Variants in KLK1 observed in about 807,000 individuals in gnomAD.
KLK1 encodes kallikrein-1.
KLK1 carries 22 observed loss-of-function variants against 23.3 expected under a neutral mutation model. The observed-to-expected ratio is 0.95, with a 90% CI of 0.68 to 1.35. The LOEUF (loss-of-function observed/expected upper bound fraction) is 1.35. Among genes scored for constraint, KLK1 ranks in the 40% most tolerant of loss-of-function variants. The probability of loss-of-function intolerance (pLI) is 0.00; values close to 1 mark genes in which losing one functional copy is unlikely to be tolerated. For synonymous variants in KLK1, 140 were observed against 135.8 expected (o/e 1.03, Z -0.21); for missense variants, 301 against 338.9 (o/e 0.89, Z 0.88).
chr19:50,820,495 A>ATGGGTAAAAGGGTT, intron 2 of KLK1, 52 bp from the exon 3 acceptor site: 1 of 308,348 alleles, frequency 3.2e-6, no homozygotes. Context: ...GGAAAAGGGG[A>ATGGGTAAAAGGGTT]TGGGGCAGGG....
In KLK1 at chr19:50,821,605, C is replaced by T. The variant is rs2740504; in HGVS notation, c.206+107G>A. 22 of 1,401,618 alleles carry T rather than the reference C, an allele frequency of 1.6e-5. No homozygotes were observed. Among genetic ancestry groups the T allele is most frequent in the Non-Finnish European group, 2.1e-5 (22 of 1,063,856 alleles). The allele number at this position is 1,401,618 out of a possible 1,614,324, so 86.8% of individuals were successfully genotyped here. ...ACCTGCGCCAGAGCCTTCCTCTCTGCCTCAGCCCCCCAGTCTTGCCTGAGG... is the reference window on the plus strand; with the variant it reads ...ACCTGCGCCAGAGCCTTCCTCTCTGTCTCAGCCCCCCAGTCTTGCCTGAGG... On this transcript the variant is annotated intron_variant, in intron 2 of 4. Coordinates refer to ENST00000301420, the MANE Select transcript of KLK1 (RefSeq NM_002257.4). The surrounding 1 kb of genome is among the most constrained non-coding windows in gnomAD (Gnocchi z 5.6).
intron 1 of KLK1, 172 bp from the exon 2 acceptor site, chr19:50,822,043 T>C (rs550834507): frequency 2.4e-4 from 330 of 1,377,336 alleles, no homozygotes; most frequent in Admixed American, 5.4e-4. Context: ...CTCTGGACTG[T>C]TCCCTGGGCT....
At chr19:50,822,627 G>T (rs1468518084) in intron 1 of KLK1, 3 of 984,964 alleles carry the variant, frequency 3.0e-6, no homozygotes, top group African/African-American at 3.5e-5. Context: ...ACACAGTTGC[G>T]GTCAGGACTG....
Position 50,819,372 on chromosome 19 carries a change from G to T in KLK1, c.634-23C>A, listed in dbSNP as rs199953894. The T allele has an allele frequency of 2.5e-5, 40 of 1,593,770 alleles. No homozygotes were observed. In the Admixed American group the frequency reaches 2.9e-4, roughly 12 times the overall value. ...ACCCTGGGAGCACAAGGTGGGAGGG[G>T]AGAGTGAGAAAGGTCTACGGGGCCC... On this transcript the variant is annotated intron_variant, in intron 4 of 4. Transcript: ENST00000301420.
chr19:50,821,625 C>A lies in KLK1; in HGVS notation c.206+87G>T. 6.9e-7 allele frequency: 1 copy of A among 1,455,400 alleles called. No homozygotes were observed. The highest frequency in any genetic ancestry group is 1.4e-5 in the South Asian group (1 of 69,176). 90.2% of individuals were successfully genotyped at this position (1,455,400 alleles called of 1,614,324 possible). Reference sequence around the variant, plus strand: ...CTCTGCCTCAGCCCCCCAGTCTTGCCTGAGGTTATCCAAGGGGAATGCCAC... The same window carrying A: ...CTCTGCCTCAGCCCCCCAGTCTTGCATGAGGTTATCCAAGGGGAATGCCAC... On this transcript the variant is annotated intron_variant, in intron 2 of 4. Transcript: ENST00000301420. The surrounding 1 kb of genome is among the most constrained non-coding windows in gnomAD (Gnocchi z 5.6).
At chr19:50,823,575 C>A in intron 1 of KLK1, 128 bp downstream of exon 1, 1 of 573,100 alleles carries the variant, frequency 1.7e-6, no homozygotes, top group East Asian at 2.9e-5. Context: ...GCACCCCGGA[C>A]TAGGATAGAC....
Position 50,820,039 on chromosome 19 carries a change from C to T in KLK1, c.497-4G>A, listed in dbSNP as rs759407690. ...TGGAGATCATCTGGAAATGAGACTA[C>T]GAACCCGGGAGAAAAAGGGCTGCAG... is the stretch of plus-strand genomic sequence containing the variant. On this transcript the variant is annotated splice_polypyrimidine_tract_variant and splice_region_variant and intron_variant, in intron 3 of 4. Coordinates refer to ENST00000301420, the MANE Select transcript of KLK1 (RefSeq NM_002257.4). The T allele has an allele frequency of 4.0e-5, 65 of 1,613,818 alleles. No individual in the cohort carries two copies. The Admixed American group carries it at 7.0e-4, about 17-fold the overall frequency.
intron 1 of KLK1, chr19:50,822,388 C>T (rs1450285893): frequency 3.0e-6 from 3 of 986,542 alleles, no homozygotes; most frequent in African/African-American, 3.5e-5. Flanking sequence ...GGAACCAGGT[C>T]TGAGAGGTAA....
Position 50,820,331 on chromosome 19 carries a change from C to T in KLK1, c.319G>A (p.Glu107Lys), listed in dbSNP as rs768627267. The T allele has an allele frequency of 4.8e-5, 78 of 1,613,878 alleles. No individual in the cohort carries two copies. Among genetic ancestry groups the T allele is most frequent in the Non-Finnish European group, 6.3e-5 (74 of 1,180,024 alleles). The change falls in exon 3 of 5, where the codon GAG becomes AAG. Residue 107 changes from glutamate (E) to lysine (K), a missense_variant. Glu to Lys is a moderately conservative substitution (Grantham distance 56). Transcript: ENST00000301420. Reference sequence around the variant, plus strand: ...TCGTCTGCTTGGCGGGTGTGGTTCTCCAGGAGGCTCATGTTGAAGCCAGGG... The same window carrying T: ...TCGTCTGCTTGGCGGGTGTGGTTCTTCAGGAGGCTCATGTTGAAGCCAGGG... ...PHPGFNMSLLENHTRQADEDY... is the reference protein window; with the variant it reads ...PHPGFNMSLLKNHTRQADEDY...
At chr19:50,819,744 G>A (rs750254168) in intron 4 of KLK1, among the ~76,000 whole-genome samples, 155 bp downstream of exon 4, 4 of 152,136 alleles carry the variant, frequency 2.6e-5, no homozygotes, top group African/African-American at 9.7e-5. Flanking sequence ...CTGGATGGGC[G>A]GGGGAAGGAG....
Position 50,821,930 on chromosome 19 carries a change from G to C in KLK1, c.47-59C>G. On this transcript the variant is annotated intron_variant, in intron 1 of 4. Coordinates refer to ENST00000301420, the MANE Select transcript of KLK1 (RefSeq NM_002257.4). This position sits in a 1 kb window ranked among gnomAD's most constrained non-coding sequence, Gnocchi z 5.6. ...GTTGGCAGGAGAGGCCAGGGACAAG[G>C]CTAGGAGAGGGAGCTGGGCTGTGGG... 3.9e-6 allele frequency: 6 copies of C among 1,555,520 alleles called. No individual in the cohort carries two copies. Among genetic ancestry groups the C allele is most frequent in the Non-Finnish European group, 5.2e-6 (6 of 1,148,890 alleles).
chr19:50,819,668 G>C (rs186866690), intron 4 of KLK1, among the ~76,000 whole-genome samples: 1 of 152,060 alleles, frequency 6.6e-6, no homozygotes, highest in Non-Finnish European at 1.5e-5. Flanking sequence ...TCTCTGACTC[G>C]ACGGTAACAA....
Position 50,821,829 on chromosome 19 carries a change from T to C in KLK1, c.89A>G (p.Glu30Gly). ...CCAGGGCTGGGAATGCTGCTCACAC[T>C]CCCAGCCTCCCACAATCCGGGACTG... ...PIQSRIVGGW[E>G]CEQHSQPWQA... The change falls in exon 2 of 5, where the codon GAG (glutamate) becomes GGG (glycine). Residue 30 changes from glutamate to glycine, a missense_variant. Coordinates refer to ENST00000301420, the MANE Select transcript of KLK1 (RefSeq NM_002257.4). This position sits in a 1 kb window ranked among gnomAD's most constrained non-coding sequence, Gnocchi z 5.6. 2 of 1,613,484 alleles carry C rather than the reference T, an allele frequency of 1.2e-6. No individual in the cohort carries two copies. The highest frequency in any genetic ancestry group is 1.7e-6 in the Non-Finnish European group (2 of 1,179,792).
chr19:50,820,420 C>T lies in KLK1; in HGVS notation c.230G>A (p.Arg77His), dbSNP rs5515. The change falls in exon 3 of 5, where the codon CGC becomes CAC. Residue 77 changes from arginine to histidine, a missense_variant. Physicochemically the swap from Arg to His is conservative, Grantham distance 29 (BLOSUM62 0). Coordinates refer to ENST00000301420, the MANE Select transcript of KLK1 (RefSeq NM_002257.4). ...GTTTTCGTCGTCAAACAAGTTGTGG[C>T]GACCCAGCCAGAGCTGGTAATTGCT... Reference protein sequence around the residue: ...ISDNYQLWLGRHNLFDDENTA... With the variant: ...ISDNYQLWLGHHNLFDDENTA... 57,253 of 1,609,342 alleles carry T rather than the reference C, an allele frequency of 0.036. 1,292 individuals are homozygous for T. The highest frequency in any genetic ancestry group is 0.1 in the African/African-American group (7,524 of 74,072).
chr19:50,822,720 A>T (rs2089835498), intron 1 of KLK1: 2 of 984,956 alleles, frequency 2.0e-6, no homozygotes, highest in Non-Finnish European at 2.4e-6. Flanking sequence ...TCTCATGGGG[A>T]TGGGGTTCAT....
Position 50,819,196 on chromosome 19 carries a change from A to T in KLK1, c.787T>A (p.Ter263ArgextTer10). The change falls in exon 5 of 5, where the codon TGA (stop) becomes AGA (arginine). Residue 263 changes from the stop codon to arginine (R), a stop_lost. Transcript: ENST00000301420. ...GGGTAGGGGACAGGGCTGGGCGTTC[A>T]GGAGTTCTCCGCTATGGTGTCCTCG... ...WIEDTIAENS[*>R] 6.2e-7 allele frequency: 1 copy of T among 1,611,330 alleles called. No homozygotes were observed. The highest frequency in any genetic ancestry group is 1.1e-5 in the South Asian group (1 of 90,884).
At position 50,821,715 on chromosome 19, in the gene KLK1, C is replaced by G; in HGVS notation, c.203G>C (p.Ser68Thr). 6.2e-7 allele frequency: 1 copy of G among 1,607,714 alleles called. No individual in the cohort carries two copies. The change falls in exon 2 of 5, where the codon AGC becomes ACC. Residue 68 changes from serine (S) to threonine (T), a missense_variant. Ser to Thr is a moderately conservative substitution (Grantham distance 58, BLOSUM62 1). Transcript: ENST00000301420. The surrounding 1 kb of genome is among the most constrained non-coding windows in gnomAD (Gnocchi z 5.6). ...QWVLTAAHCI[S>T]DNYQLWLGRH... is the part of the protein sequence containing the mutation. ...CAGACCCCAGGCCCCTACTCACTCG[C>G]TGATGCAATGAGCAGCTGTGAGCAC...
intron 2 of KLK1, 180 bp from the exon 3 acceptor site, chr19:50,820,623 GAT>G: frequency 1.8e-6 from 1 of 566,856 alleles, no homozygotes; most frequent in Non-Finnish European, 3.1e-6. Flanking sequence ...GAAGATGAAA[GAT>G]TTTGAGAGTG....
In KLK1 at chr19:50,819,168, T is replaced by G; in HGVS notation, c.*26A>C. On this transcript the variant is annotated 3_prime_UTR_variant, in exon 5 of 5. Coordinates refer to ENST00000301420, the MANE Select transcript of KLK1 (RefSeq NM_002257.4). ...ACATTGGATGCACATTTGATTTTAC[T>G]GGGGGTAGGGGACAGGGCTGGGCGT... 1 of 1,585,106 alleles carries G rather than the reference T, an allele frequency of 6.3e-7. No homozygotes were observed. The highest frequency in any genetic ancestry group is 8.6e-7 in the Non-Finnish European group (1 of 1,159,908).
Sources: allele counts gnomAD v4.1 joint callset (sites outside exome capture counted in the v4.1 genomes callset), GRCh38; gene constraint gnomAD v4.1.1; non-coding constraint Gnocchi (gnomAD v3.1); transcripts MANE v1.5; gene names NCBI Gene and HGNC (gene_info 2026-07-23, HGNC 2026-07-21).